MARCHF1: variants seen among roughly 807,000 people sequenced by gnomAD.
The protein encoded by MARCHF1 is membrane associated ring-CH-type finger 1, also known as E3 ubiquitin-protein ligase MARCHF1.
MARCHF1 carries 40 observed loss-of-function variants against 54.2 expected under a neutral mutation model. That is an observed-to-expected ratio of 0.74 (90% confidence interval 0.57 to 0.96). The LOEUF (loss-of-function observed/expected upper bound fraction) is 0.96. Ranked by LOEUF, MARCHF1 falls within the 40% of genes least tolerant of loss-of-function variation. The pLI, the probability that MARCHF1 is intolerant of heterozygous loss-of-function variation, is 0.00. For synonymous variants in MARCHF1, 236 were observed against 236.3 expected (o/e 1.00, Z 0.01); for missense variants, 586 against 656.5 (o/e 0.89, Z 1.17).
intron 4 of MARCHF1, among the ~76,000 whole-genome samples, chr4:163,736,760 ATAAAG>A (rs1190463151): frequency 6.6e-6 from 1 of 152,248 alleles, no homozygotes; most frequent in Admixed American, 6.5e-5. Context: ...ATAAAAAATT[ATAAAG>A]TATTCACCAA....
chr4:163,545,776 T>C (rs759340258), intron 8 of MARCHF1, 33 bp from the exon 9 acceptor site: 2 of 1,603,968 alleles, frequency 1.2e-6, no homozygotes, highest in African/African-American at 1.3e-5. Context: ...CAAAACTGAA[T>C]TGCAAACTAG....
chr4:163,850,336 G>A (rs1749608940), intron 4 of MARCHF1, among the ~76,000 whole-genome samples: 1 of 152,120 alleles, frequency 6.6e-6, no homozygotes, highest in Admixed American at 6.6e-5. Flanking sequence ...AGTTTTGAGG[G>A]GCTTGTCCTC....
chr4:163,680,894 A>G (rs1744080094), intron 5 of MARCHF1, among the ~76,000 whole-genome samples: 1 of 151,928 alleles, frequency 6.6e-6, no homozygotes, highest in Admixed American at 6.6e-5. Context: ...TGTAAATTGT[A>G]TGGCTCATCA....
At chr4:163,845,800 C>A (rs1318185219) in intron 4 of MARCHF1, among the ~76,000 whole-genome samples, 1 of 152,048 alleles carries the variant, frequency 6.6e-6, no homozygotes, top group Non-Finnish European at 1.5e-5. Context: ...TTGTGAATAA[C>A]CATGTTTTGA....
intron 1 of MARCHF1, among the ~76,000 whole-genome samples, chr4:164,297,795 T>C (rs7665343): frequency 0.26 from 40,233 of 151,916 alleles, 5,755 homozygotes; most frequent in Admixed American, 0.39. Flanking sequence ...TTTCTATAAA[T>C]CTAAATTTAA....
Position 164,072,539 on chromosome 4 carries a change from C to T in MARCHF1, c.-248+39049G>A, listed in dbSNP as rs548984563. Among the ~76,000 whole-genome samples, 130 of 151,450 alleles carry T rather than the reference C, an allele frequency of 8.6e-4. 1 individual carries two copies. The highest frequency in any genetic ancestry group is 2.8e-3 in the African/African-American group (115 of 41,236). The stretch of plus-strand genomic sequence containing the variant: ...TTATGCCACCACACGCCAGCCTAGG[C>T]GACAGAGTGAGACTCTGTCTTGAAG... On this transcript the variant is annotated intron_variant, in intron 2 of 9. Transcript: ENST00000514618.
intron 5 of MARCHF1, among the ~76,000 whole-genome samples, chr4:163,670,376 A>G (rs1256320607): frequency 8.7e-5 from 11 of 126,068 alleles, no homozygotes; most frequent in South Asian, 2.5e-4. Flanking sequence ...CTATCTATCT[A>G]TCTATCTGTC....
intron 2 of MARCHF1, among the ~76,000 whole-genome samples, chr4:164,047,372 G>C (rs1754264682): frequency 6.6e-6 from 1 of 152,212 alleles, no homozygotes; most frequent in African/African-American, 2.4e-5. Context: ...TAAGAGCCCA[G>C]ACCAGCCAAC....
chr4:163,781,487 A>T (rs762446727), intron 4 of MARCHF1, among the ~76,000 whole-genome samples: 3 of 152,242 alleles, frequency 2.0e-5, no homozygotes, highest in Non-Finnish European at 2.9e-5. Context: ...TTGATAAGTG[A>T]CATGGAATTA....
chr4:163,987,777 T>C (rs796065898), intron 3 of MARCHF1, among the ~76,000 whole-genome samples: 11 of 152,348 alleles, frequency 7.2e-5, no homozygotes, highest in African/African-American at 2.6e-4. Flanking sequence ...TTCAATCCCT[T>C]TCTTAAAAAC....
chr4:163,716,761 T>A (rs1745270812), intron 4 of MARCHF1, among the ~76,000 whole-genome samples: 1 of 152,200 alleles, frequency 6.6e-6, no homozygotes, highest in East Asian at 1.9e-4. Flanking sequence ...CACACAGAAC[T>A]GTCAAAGTTT....
In MARCHF1 at chr4:164,015,373, C is replaced by T. The variant is rs1037811974; in HGVS notation, c.-247-26664G>A. Among the ~76,000 whole-genome samples the T allele has an allele frequency of 7.2e-5, 11 of 152,038 alleles. 1 individual carries two copies. The highest frequency in any genetic ancestry group is 7.2e-4 in the Admixed American group (11 of 15,260). ...CTACCAGAAGAAAACACTAGGGTAACACTCCAGGACATTGATGTGGGCAAA... is the reference window on the plus strand; with the variant it reads ...CTACCAGAAGAAAACACTAGGGTAATACTCCAGGACATTGATGTGGGCAAA... On this transcript the variant is annotated intron_variant, in intron 2 of 9. Coordinates refer to ENST00000514618, the MANE Select transcript of MARCHF1 (RefSeq NM_001394959.1).
intron 4 of MARCHF1, among the ~76,000 whole-genome samples, chr4:163,794,027 TTTTC>T (rs1422809014): frequency 3.9e-5 from 6 of 152,214 alleles, no homozygotes; most frequent in African/African-American, 1.4e-4. Flanking sequence ...CAGTATTATA[TTTTC>T]TTTCTAAGTA....
At chr4:164,343,829 A>C (rs1729995353) in intron 1 of MARCHF1, among the ~76,000 whole-genome samples, 1 of 152,194 alleles carries the variant, frequency 6.6e-6, no homozygotes, top group African/African-American at 2.4e-5. Flanking sequence ...GATTTCTCAA[A>C]GAACTCAAAA....
intron 8 of MARCHF1, among the ~76,000 whole-genome samples, chr4:163,566,667 C>A (rs1739655390): frequency 6.6e-6 from 1 of 152,150 alleles, no homozygotes; most frequent in Admixed American, 6.5e-5. Context: ...AACCATCACT[C>A]TAAGCCTATA....
chr4:164,176,633 G>A (rs563509102), intron 1 of MARCHF1, among the ~76,000 whole-genome samples: 12 of 151,944 alleles, frequency 7.9e-5, no homozygotes, highest in African/African-American at 2.7e-4. Context: ...TAAGAATTTG[G>A]GAATCTAAGA....
At chr4:163,775,690 G>T (rs1561071003) in intron 4 of MARCHF1, among the ~76,000 whole-genome samples, 1 of 152,100 alleles carries the variant, frequency 6.6e-6, no homozygotes, top group African/African-American at 2.4e-5. Context: ...GCGGCTAGGA[G>T]TAGGACAAAT....
intron 1 of MARCHF1, among the ~76,000 whole-genome samples, chr4:164,304,046 C>T (rs1018597013): frequency 7.9e-5 from 12 of 152,136 alleles, no homozygotes; most frequent in African/African-American, 2.7e-4. Context: ...CTTTCTAAAA[C>T]ACATTCTTGA....
At chr4:164,017,344 G>T (rs1445550802) in intron 2 of MARCHF1, among the ~76,000 whole-genome samples, 1 of 151,976 alleles carries the variant, frequency 6.6e-6, no homozygotes, top group Admixed American at 6.6e-5. Flanking sequence ...TAAAAGCTAT[G>T]CTGAATGTTA....
Sources: allele counts gnomAD v4.1 joint callset (sites outside exome capture counted in the v4.1 genomes callset), GRCh38; gene constraint gnomAD v4.1.1; transcripts MANE v1.5; gene names NCBI Gene and HGNC (gene_info 2026-07-23, HGNC 2026-07-21).